The following CACNA2D3 variants were observed in gnomAD, a reference collection of about 807,000 sequenced individuals.
CACNA2D3 encodes the protein calcium voltage-gated channel auxiliary subunit alpha2delta 3.
In CACNA2D3, 60 loss-of-function variants were observed where a neutral mutation model predicts 160.6. The observed-to-expected ratio is 0.37, with a 90% CI of 0.30 to 0.46. The LOEUF is 0.46. Ranked by LOEUF, CACNA2D3 falls within the 20% of genes least tolerant of loss-of-function variation. The pLI is 1.00. For synonymous variants in CACNA2D3, 558 were observed against 492.9 expected, an observed-to-expected ratio of 1.13 and a Z score of -1.75; for missense variants, 1,205 against 1,365.0, an observed-to-expected ratio of 0.88 and a Z score of 1.85.
chr3:54,564,983 C>T (rs890538042), intron 6 of CACNA2D3, among the ~76,000 whole-genome samples: 2 of 152,138 alleles, frequency 1.3e-5, no homozygotes, highest in Admixed American at 6.5e-5. Context: ...CCATTCTAAC[C>T]TTGTCTCACT....
chr3:54,439,308 G>GGGGTGT (rs1410276901), intron 4 of CACNA2D3, among the ~76,000 whole-genome samples: 3 of 120,630 alleles, frequency 2.5e-5, no homozygotes, highest in African/African-American at 8.3e-5. Context: ...CATAAAGGAG[G>GGGGTGT]GTGTGTGTGT....
At chr3:55,027,756 A>G (rs185507843) in intron 35 of CACNA2D3, among the ~76,000 whole-genome samples, 5 of 152,318 alleles carry the variant, frequency 3.3e-5, no homozygotes, top group Admixed American at 2.6e-4. Flanking sequence ...ACGCAGTAAG[A>G]TCTTTTTCAT....
At chr3:54,262,035 G>C (rs4532166) in intron 2 of CACNA2D3, among the ~76,000 whole-genome samples, 27,734 of 152,024 alleles carry the variant, frequency 0.18, 2,939 homozygotes, top group South Asian at 0.26. Flanking sequence ...GGGGTTTTGG[G>C]GGAGGGAGCA....
intron 3 of CACNA2D3, among the ~76,000 whole-genome samples, chr3:54,321,863 C>G (rs1188261335): frequency 6.7e-6 from 1 of 148,256 alleles, no homozygotes; most frequent in Non-Finnish European, 1.5e-5. Flanking sequence ...TAAGGTTGTG[C>G]CAATTCACAG....
intron 11 of CACNA2D3, among the ~76,000 whole-genome samples, chr3:54,699,460 G>A (rs1700726053): frequency 6.6e-6 from 1 of 152,184 alleles, no homozygotes; most frequent in African/African-American, 2.4e-5. Flanking sequence ...TCACTAACAA[G>A]TTGTTCAGAA....
At chr3:54,451,566 A>T (rs2106818314) in intron 4 of CACNA2D3, among the ~76,000 whole-genome samples, 1 of 152,264 alleles carries the variant, frequency 6.6e-6, no homozygotes, top group South Asian at 2.1e-4. Flanking sequence ...CACGAGTCAC[A>T]TGCCTAATCT....
In CACNA2D3 at chr3:54,887,899, G is replaced by A. The variant is rs1157240199; in HGVS notation, c.2057-60G>A. On this transcript the variant is annotated intron_variant, in intron 23 of 37. Transcript: ENST00000474759. ...GATGCTGCACAATGAGCCCATGAGT[G>A]CCTCTCATGCCCCTCTTCCAGCCCT... 3 of 1,279,454 alleles carry A rather than the reference G, an allele frequency of 2.3e-6. No homozygotes were observed. In the African/African-American group the frequency reaches 4.4e-5, roughly 19 times the overall value. The allele number at this position is 1,279,454 out of a possible 1,614,324, so 79.3% of individuals were successfully genotyped here.
intron 13 of CACNA2D3, among the ~76,000 whole-genome samples, chr3:54,791,901 C>T (rs906218297): frequency 2.0e-5 from 3 of 152,070 alleles, no homozygotes; most frequent in Non-Finnish European, 2.9e-5. Context: ...CACATGAGCC[C>T]AGCAGCAATC....
At chr3:54,192,673 T>G (rs998120600) in intron 2 of CACNA2D3, among the ~76,000 whole-genome samples, 5 of 147,282 alleles carry the variant, frequency 3.4e-5, no homozygotes, top group African/African-American at 7.5e-5. Context: ...ATATGTGAGG[T>G]GTGTGTGTGT....
intron 17 of CACNA2D3, among the ~76,000 whole-genome samples, chr3:54,861,243 C>T (rs996856015): frequency 6.6e-6 from 1 of 152,020 alleles, no homozygotes; most frequent in African/African-American, 2.4e-5. Flanking sequence ...TCAGGACAGA[C>T]CTCCAAGAGG....
chr3:54,171,829 G>T (rs540841786), intron 2 of CACNA2D3, among the ~76,000 whole-genome samples: 1 of 152,294 alleles, frequency 6.6e-6, no homozygotes, highest in East Asian at 1.9e-4. Flanking sequence ...CTCTTCCCAT[G>T]TCTGTCTGCC....
intron 4 of CACNA2D3, among the ~76,000 whole-genome samples, chr3:54,496,210 A>G (rs962026262): frequency 1.3e-5 from 2 of 152,222 alleles, no homozygotes; most frequent in African/African-American, 4.8e-5. Context: ...TATGTTTAAC[A>G]TTATAAGAAG....
chr3:54,208,994 T>C (rs1288943144), intron 2 of CACNA2D3, among the ~76,000 whole-genome samples: 1 of 152,156 alleles, frequency 6.6e-6, no homozygotes, highest in Non-Finnish European at 1.5e-5. Context: ...TTTCTCCTTA[T>C]AAAACCATCA....
At chr3:54,533,725 T>A (rs913609008) in intron 5 of CACNA2D3, among the ~76,000 whole-genome samples, 1 of 152,010 alleles carries the variant, frequency 6.6e-6, no homozygotes, top group Non-Finnish European at 1.5e-5. Context: ...ATATTGGTGC[T>A]CTAAGGTCTT....
chr3:54,787,873 A>T (rs1702671118), intron 13 of CACNA2D3, among the ~76,000 whole-genome samples: 1 of 152,200 alleles, frequency 6.6e-6, no homozygotes. Context: ...TAGGCAGAAA[A>T]GGTAAAGGAC....
At chr3:54,445,619 C>G (rs528259446) in intron 4 of CACNA2D3, among the ~76,000 whole-genome samples, 15 of 149,228 alleles carry the variant, frequency 1.0e-4, no homozygotes, top group Non-Finnish European at 1.9e-4. Context: ...ATGGAGCATT[C>G]ATATCTTTAT....
chr3:54,555,518 T>C (rs1195887444), intron 5 of CACNA2D3, among the ~76,000 whole-genome samples: 1 of 152,182 alleles, frequency 6.6e-6, no homozygotes, highest in East Asian at 1.9e-4. Flanking sequence ...AGGAATTTGC[T>C]GCTAGGTTAT....
intron 35 of CACNA2D3, among the ~76,000 whole-genome samples, chr3:55,026,476 C>T (rs1446383947): frequency 6.6e-6 from 1 of 152,124 alleles, no homozygotes; most frequent in African/African-American, 2.4e-5. Context: ...GCCAATACTC[C>T]ATGGTTAGTG....
At chr3:54,519,872 C>G (rs772373078) in intron 5 of CACNA2D3, among the ~76,000 whole-genome samples, 1 of 152,212 alleles carries the variant, frequency 6.6e-6, no homozygotes, top group Admixed American at 6.5e-5. Context: ...TGAGTATTAA[C>G]TTGGTTGGTT....
Sources: gnomAD v4.1 joint callset for allele counts (sites outside exome capture counted in the v4.1 genomes callset) on GRCh38, gnomAD v4.1.1 for gene constraint, MANE v1.5 for transcripts, NCBI Gene and HGNC (gene_info 2026-07-23, HGNC 2026-07-21) for gene names.